IL7: variants seen among roughly 807,000 people sequenced by gnomAD.
IL7 encodes interleukin 7.
A neutral mutation model predicts 21.6 loss-of-function variants in IL7; 3 were observed. The observed-to-expected ratio is 0.14, with a 90% CI of 0.06 to 0.36. The LOEUF (loss-of-function observed/expected upper bound fraction) is 0.36, where lower values mean the gene tolerates loss of function less well. Ranked by LOEUF, IL7 falls within the 10% of genes least tolerant of loss-of-function variation. The pLI is 1.00. For synonymous variants in IL7, 62 were observed against 68.1 expected, an observed-to-expected ratio of 0.91 and a Z score of 0.44; for missense variants, 175 against 200.2, an observed-to-expected ratio of 0.87 and a Z score of 0.76.
intron 4 of IL7, among the ~76,000 whole-genome samples, chr8:78,737,836 A>C (rs2130680137): frequency 6.6e-6 from 1 of 152,290 alleles, no homozygotes; most frequent in East Asian, 1.9e-4. Flanking sequence ...CACTGTATTA[A>C]ATATTGAAAA....
At chr8:78,703,459 T>A (rs1379445571) in intron 3 of IL7, among the ~76,000 whole-genome samples, 1 of 152,160 alleles carries the variant, frequency 6.6e-6, no homozygotes, top group African/African-American at 2.4e-5. Flanking sequence ...TGAGTGCTCC[T>A]GTGTTGGGTA....
intron 1 of IL7, among the ~76,000 whole-genome samples, chr8:78,800,822 G>T (rs571274429): frequency 5.9e-5 from 9 of 152,286 alleles, no homozygotes; most frequent in Non-Finnish European, 1.2e-4. Context: ...GCTTAAAGGA[G>T]AATATAATAA....
downstream of IL7, among the ~76,000 whole-genome samples, chr8:78,728,175 G>C (rs1466921825): frequency 1.3e-5 from 2 of 151,954 alleles, no homozygotes; most frequent in Admixed American, 6.6e-5. Flanking sequence ...AGGAAGAACA[G>C]AGTACAGTAC....
At chr8:78,687,649 C>T (rs182440248) in intron 3 of IL7, among the ~76,000 whole-genome samples, 27,710 of 55,678 alleles carry the variant, frequency 0.5, 7,798 homozygotes, top group East Asian at 0.85. Flanking sequence ...TATATATTTA[C>T]GTAATACATT....
intron 2 of IL7, among the ~76,000 whole-genome samples, chr8:78,765,973 A>AATGGAATATTTTTTCAGTTCT (rs1332019896): frequency 6.6e-6 from 1 of 152,122 alleles, no homozygotes; most frequent in East Asian, 1.9e-4. Context: ...GCTTCCAGAC[A>AATGGAATATTTTTTCAGTTCT]ATGGAATATT....
intron 4 of IL7, among the ~76,000 whole-genome samples, chr8:78,683,168 C>T (rs1233811204): frequency 2.0e-5 from 3 of 151,438 alleles, no homozygotes; most frequent in South Asian, 4.2e-4. Flanking sequence ...GTGGATCTAC[C>T]ATTCTGGGGT....
chr8:78,793,554 A>G (rs1813762787), intron 2 of IL7, among the ~76,000 whole-genome samples: 1 of 152,178 alleles, frequency 6.6e-6, no homozygotes, highest in African/African-American at 2.4e-5. Context: ...AATGCTAACA[A>G]TCATCTGAGC....
At chr8:78,700,629 A>G (rs1586016163) in intron 3 of IL7, among the ~76,000 whole-genome samples, 1 of 152,094 alleles carries the variant, frequency 6.6e-6, no homozygotes, top group Non-Finnish European at 1.5e-5. Context: ...CAGGGTTTTT[A>G]TAGTTTTTGG....
chr8:78,697,682 CT>C (rs370060109), intron 3 of IL7, among the ~76,000 whole-genome samples: 8,229 of 139,536 alleles, frequency 0.059, 246 homozygotes, highest in Middle Eastern at 0.089. Flanking sequence ...TACTTTTAAC[CT>C]TTTTTTTTTT....
intron 4 of IL7, among the ~76,000 whole-genome samples, chr8:78,681,567 G>A (rs1233151546): frequency 1.3e-5 from 2 of 152,110 alleles, no homozygotes; most frequent in Non-Finnish European, 2.9e-5. Flanking sequence ...ACACTGTTTG[G>A]AAAGTTGTTT....
chr8:78,745,262 A>G (rs752398963), intron 2 of IL7, among the ~76,000 whole-genome samples: 5 of 152,232 alleles, frequency 3.3e-5, no homozygotes, highest in Non-Finnish European at 5.9e-5. Flanking sequence ...CACTAATTAC[A>G]TAAAAAATGA....
At chr8:78,768,725 T>C (rs896600952) in intron 2 of IL7, among the ~76,000 whole-genome samples, 18 of 152,216 alleles carry the variant, frequency 1.2e-4, no homozygotes, top group Admixed American at 9.8e-4. Flanking sequence ...GTATGTTGCC[T>C]GTTCACTCTG....
intron 2 of IL7, among the ~76,000 whole-genome samples, chr8:78,775,611 G>A (rs1813107447): frequency 6.6e-6 from 1 of 151,994 alleles, no homozygotes; most frequent in Non-Finnish European, 1.5e-5. Flanking sequence ...TAGCCAAAGG[G>A]GCAAAGTGGG....
At chr8:78,777,001 C>T (rs1175704430) in intron 2 of IL7, among the ~76,000 whole-genome samples, 1 of 152,002 alleles carries the variant, frequency 6.6e-6, no homozygotes, top group Non-Finnish European at 1.5e-5. Flanking sequence ...CTCTCACATT[C>T]CTCAATACCA....
intron 3 of IL7, among the ~76,000 whole-genome samples, chr8:78,690,238 A>G (rs1810163000): frequency 6.6e-6 from 1 of 152,200 alleles, no homozygotes; most frequent in African/African-American, 2.4e-5. Flanking sequence ...CAAGTAGTCT[A>G]AATTTTCCTA....
At chr8:78,790,998 G>A (rs1813674503) in intron 2 of IL7, among the ~76,000 whole-genome samples, 1 of 151,788 alleles carries the variant, frequency 6.6e-6, no homozygotes, top group Non-Finnish European at 1.5e-5. Flanking sequence ...AGACAGTTTG[G>A]TACTGACCCA....
intron 2 of IL7, among the ~76,000 whole-genome samples, chr8:78,773,000 T>G (rs954902354): frequency 4.6e-5 from 7 of 152,182 alleles, no homozygotes; most frequent in African/African-American, 1.4e-4. Context: ...ATAATGACCA[T>G]TTACTTAACA....
chr8:78,742,524 A>G (rs949899879), intron 2 of IL7, among the ~76,000 whole-genome samples: 27 of 152,210 alleles, frequency 1.8e-4, no homozygotes, highest in African/African-American at 6.5e-4. Context: ...TTATTTTTTA[A>G]TACTTTTGTC....
intron 2 of IL7, among the ~76,000 whole-genome samples, chr8:78,786,797 T>C (rs1275547608): frequency 6.6e-6 from 1 of 152,156 alleles, no homozygotes; most frequent in Non-Finnish European, 1.5e-5. Flanking sequence ...GACTGGTATC[T>C]GGCAGCCCCT....
Sources: allele counts gnomAD v4.1 joint callset (sites outside exome capture counted in the v4.1 genomes callset), GRCh38; gene constraint gnomAD v4.1.1; transcripts MANE v1.5; gene names NCBI Gene and HGNC (gene_info 2026-07-23, HGNC 2026-07-21).